The following CGNL1 variants were observed in gnomAD, a reference collection of about 807,000 sequenced individuals.
CGNL1 encodes the protein cingulin-like protein 1.
A neutral mutation model predicts 141.2 loss-of-function variants in CGNL1; 132 were observed. That is an observed-to-expected ratio of 0.93 (90% CI 0.81 to 1.08). CGNL1 has a LOEUF of 1.08. CGNL1 is among the 50% of genes least tolerant of loss of function. The probability of loss-of-function intolerance (pLI) is 0.00; values close to 1 mark genes in which losing one functional copy is unlikely to be tolerated. For synonymous variants in CGNL1, 690 were observed against 622.1 expected, an observed-to-expected ratio of 1.11 and a Z score of -1.63; for missense variants, 1,870 against 1,588.6, an observed-to-expected ratio of 1.18 and a Z score of -3.01.
intron 8 of CGNL1, among the ~76,000 whole-genome samples, chr15:57,463,091 C>A (rs569415395): frequency 5.3e-5 from 8 of 152,246 alleles, no homozygotes. Flanking sequence ...ATCTTTATCA[C>A]CCTTAAATCT....
chr15:57,401,071 C>G (rs868504830), intron 1 of CGNL1, among the ~76,000 whole-genome samples: 2 of 151,518 alleles, frequency 1.3e-5, no homozygotes, highest in East Asian at 1.9e-4. Context: ...TGGGGTTACT[C>G]TATGTTATTT....
At chr15:57,512,690 G>A (rs1269010212) in intron 8 of CGNL1, among the ~76,000 whole-genome samples, 1 of 152,264 alleles carries the variant, frequency 6.6e-6, no homozygotes, top group East Asian at 1.9e-4. Context: ...ACGCTAGGGT[G>A]CTAGTTAGGC....
chr15:57,501,507 T>C (rs1446493679), intron 8 of CGNL1, among the ~76,000 whole-genome samples: 2 of 152,104 alleles, frequency 1.3e-5, no homozygotes, highest in East Asian at 3.9e-4. Context: ...TGTGGGGAGT[T>C]AGGCTTATTG....
intron 6 of CGNL1, among the ~76,000 whole-genome samples, chr15:57,452,757 G>A (rs547999001): frequency 6.6e-6 from 1 of 152,274 alleles, no homozygotes; most frequent in African/African-American, 2.4e-5. Context: ...GGTCCAAGAT[G>A]CCCCTGCCAT....
intron 8 of CGNL1, among the ~76,000 whole-genome samples, chr15:57,474,694 A>T (rs943704634): frequency 6.6e-6 from 1 of 152,242 alleles, no homozygotes; most frequent in Non-Finnish European, 1.5e-5. Flanking sequence ...GTTATAAAAA[A>T]CATACATAAT....
chr15:57,505,952 T>A (rs1237384596), intron 8 of CGNL1, among the ~76,000 whole-genome samples: 1 of 152,214 alleles, frequency 6.6e-6, no homozygotes, highest in African/African-American at 2.4e-5. Flanking sequence ...AGGATCCGTT[T>A]TCACAAATAA....
chr15:57,491,142 A>G lies in CGNL1; in HGVS notation c.2404-25638A>G, dbSNP rs571929154. Among the ~76,000 whole-genome samples the G allele has an allele frequency of 4.6e-5, 7 of 152,314 alleles. No individual in the cohort carries two copies. The South Asian group carries it at 1.2e-3, about 27-fold the overall frequency. On this transcript the variant is annotated intron_variant, in intron 8 of 18. Transcript: ENST00000281282. Reference sequence around the variant, plus strand: ...AGTATGGACTTTGGTTAATAATAATAGATCAGGATTAGTTCATTCATTATG... The same window carrying G: ...AGTATGGACTTTGGTTAATAATAATGGATCAGGATTAGTTCATTCATTATG...
At chr15:57,492,797 C>T (rs1265288431) in intron 8 of CGNL1, among the ~76,000 whole-genome samples, 3 of 152,164 alleles carry the variant, frequency 2.0e-5, no homozygotes, top group African/African-American at 7.2e-5. Context: ...GCCTGGGGAC[C>T]TGGGGACCCA....
At chr15:57,514,469 G>A (rs768257152) in intron 8 of CGNL1, among the ~76,000 whole-genome samples, 4 of 152,028 alleles carry the variant, frequency 2.6e-5, no homozygotes, top group Non-Finnish European at 5.9e-5. Context: ...AAGTCTTTTT[G>A]TTACTGAGTT....
intron 8 of CGNL1, among the ~76,000 whole-genome samples, chr15:57,479,761 G>A (rs2063702724): frequency 6.6e-6 from 1 of 152,190 alleles, no homozygotes; most frequent in African/African-American, 2.4e-5. Context: ...GCAGTTTGAA[G>A]TATGATGGGA....
chr15:57,431,612 A>G (rs1270669459), intron 1 of CGNL1, among the ~76,000 whole-genome samples: 1 of 152,236 alleles, frequency 6.6e-6, no homozygotes. Flanking sequence ...AAATGTGTTA[A>G]CCACTGTTTA....
intron 8 of CGNL1, among the ~76,000 whole-genome samples, chr15:57,494,546 G>GA (rs1250027668): frequency 1.3e-5 from 2 of 151,978 alleles, no homozygotes; most frequent in Admixed American, 6.6e-5. Flanking sequence ...AATAGAAGTA[G>GA]AAAATGTAAA....
intron 1 of CGNL1, among the ~76,000 whole-genome samples, chr15:57,378,370 T>G (rs1323343674): frequency 1.2e-3 from 91 of 76,334 alleles, no homozygotes; most frequent in African/African-American, 5.0e-3. Context: ...TGTGTTTTTT[T>G]TTTTTTTTTT....
chr15:57,431,731 T>C (rs1303928910), intron 1 of CGNL1, among the ~76,000 whole-genome samples: 2 of 100,294 alleles, frequency 2.0e-5, no homozygotes, highest in Non-Finnish European at 4.9e-5. Flanking sequence ...GTTTTTTTTG[T>C]AATTTTTTTT....
Position 57,438,066 on chromosome 15 carries a change from A to G in CGNL1, c.67A>G (p.Ser23Gly), listed in dbSNP as rs775568562. 1.2e-6 allele frequency: 2 copies of G among 1,613,980 alleles called. No individual in the cohort carries two copies. Among genetic ancestry groups the G allele is most frequent in the Admixed American group, 1.7e-5 (1 of 60,004 alleles). Residue 23 changes from serine (S) to glycine (G), a missense_variant, in exon 2 of 19, where the codon AGT (serine) becomes GGT (glycine). Transcript: ENST00000281282. ...ATATGGGGTCCATCTGAGACTCGCA[A>G]GTGATGATACCCAAAAATCAAGGAG... The part of the protein sequence containing the change: ...QEYGVHLRLA[S>G]DDTQKSRSSQ...
chr15:57,529,709 C>G (rs1280061043), intron 13 of CGNL1, among the ~76,000 whole-genome samples: 1 of 151,920 alleles, frequency 6.6e-6, no homozygotes, highest in African/African-American at 2.4e-5. Flanking sequence ...TTAAAATTGT[C>G]AAAGTTTTGA....
chr15:57,384,762 T>A (rs2152219890), intron 1 of CGNL1, among the ~76,000 whole-genome samples: 1 of 152,298 alleles, frequency 6.6e-6, no homozygotes, highest in South Asian at 2.1e-4. Flanking sequence ...ATACCTGGTG[T>A]CTGGTAGAAA....
intron 4 of CGNL1, among the ~76,000 whole-genome samples, chr15:57,444,160 G>A (rs146032868): frequency 2.0e-5 from 3 of 152,192 alleles, no homozygotes; most frequent in South Asian, 2.1e-4. Flanking sequence ...ACCTAGAGTC[G>A]TTTTGCCTTT....
chr15:57,521,108 C>G (rs1297575868), intron 10 of CGNL1, among the ~76,000 whole-genome samples: 2 of 152,162 alleles, frequency 1.3e-5, no homozygotes, highest in Non-Finnish European at 2.9e-5. Flanking sequence ...GTCTCTGTAG[C>G]TACAGAGCGT....
Sources: gnomAD v4.1 joint callset for allele counts (sites outside exome capture counted in the v4.1 genomes callset) on GRCh38, gnomAD v4.1.1 for gene constraint, MANE v1.5 for transcripts, NCBI Gene and HGNC (gene_info 2026-07-23, HGNC 2026-07-21) for gene names.